Variants in PPP2R5C observed in about 807,000 individuals in gnomAD.
The protein encoded by PPP2R5C is serine/threonine-protein phosphatase 2A 56 kDa regulatory subunit gamma isoform.
A neutral mutation model predicts 68.9 loss-of-function variants in PPP2R5C; 7 were observed. The observed-to-expected ratio is 0.10, with a 90% CI of 0.06 to 0.19. The LOEUF (loss-of-function observed/expected upper bound fraction) is 0.19. Among genes scored for constraint, PPP2R5C ranks in the 10% least tolerant of loss-of-function variants. The pLI is 1.00. For synonymous variants in PPP2R5C, 210 were observed against 222.2 expected, an observed-to-expected ratio of 0.95 and a Z score of 0.49; for missense variants, 348 against 641.3, an observed-to-expected ratio of 0.54 and a Z score of 4.94.
In PPP2R5C at chr14:101,917,332, A is replaced by G. The variant is rs2046731864; in HGVS notation, c.1327-499A>G. Among the ~76,000 whole-genome samples, 1 of 152,168 alleles carries G rather than the reference A, an allele frequency of 6.6e-6. No homozygotes were observed. Among genetic ancestry groups the G allele is most frequent in the African/African-American group, 2.4e-5 (1 of 41,436 alleles). ...GATGTGATGAGAGGGTTTCATAAGC[A>G]AGCCGGGAAAATGGGATAAAGGGGA... On this transcript the variant is annotated intron_variant, in intron 12 of 13. Transcript: ENST00000334743. This position sits in a 1 kb window ranked among gnomAD's most constrained non-coding sequence, Gnocchi z 4.4.
intron 2 of PPP2R5C, among the ~76,000 whole-genome samples, chr14:101,776,574 C>T (rs1171689124): frequency 6.6e-6 from 1 of 152,098 alleles, no homozygotes; most frequent in Non-Finnish European, 1.5e-5. Flanking sequence ...TCGTGGGGCC[C>T]TTGCTGTTCT....
intron 5 of PPP2R5C, chr14:101,889,668 G>A: frequency 3.9e-6 from 1 of 259,346 alleles, no homozygotes; most frequent in Non-Finnish European, 7.5e-6. Flanking sequence ...GCAGATGGGT[G>A]CTTCAGAAAG....
intron 3 of PPP2R5C, among the ~76,000 whole-genome samples, chr14:101,801,449 C>T (rs1000522333): frequency 2.0e-5 from 3 of 152,212 alleles, no homozygotes; most frequent in Non-Finnish European, 2.9e-5. Flanking sequence ...TCTGATTACA[C>T]ACTGCCTCTT....
rs188538570 is a variant in PPP2R5C, at chr14:101,774,573, C to T, written c.94-11445C>T. On this transcript the variant is annotated intron_variant, in intron 2 of 14. Coordinates refer to the PPP2R5C transcript ENST00000328724. The stretch of plus-strand genomic sequence containing the variant: ...AGCACCTGCTTTCTCCCTCCAGCCC[C>T]ACGCTGCTTTGTGGTTGCCAGATGG... 4.5e-3 allele frequency among the ~76,000 whole-genome samples: 686 copies of T among 152,290 alleles called. 5 individuals carry two copies. The highest frequency in any genetic ancestry group is 0.016 in the African/African-American group (649 of 41,564).
At chr14:101,821,384 T>G (rs555449045) in intron 1 of PPP2R5C, among the ~76,000 whole-genome samples, 1 of 147,244 alleles carries the variant, frequency 6.8e-6, no homozygotes, top group African/African-American at 2.5e-5. Context: ...CATCTCAAAG[T>G]GACTGCTGCC....
chr14:101,904,465 T>G (rs1335669521), intron 9 of PPP2R5C, among the ~76,000 whole-genome samples: 1 of 152,222 alleles, frequency 6.6e-6, no homozygotes, highest in Non-Finnish European at 1.5e-5. Flanking sequence ...GGTTGCTTTT[T>G]AAAGTACAAG....
intron 13 of PPP2R5C, among the ~76,000 whole-genome samples, chr14:101,919,360 G>T (rs1213835405): frequency 6.6e-6 from 1 of 152,186 alleles, no homozygotes; most frequent in East Asian, 1.9e-4. Flanking sequence ...AATCCAGTTG[G>T]TTCCATATTC....
intron 9 of PPP2R5C, among the ~76,000 whole-genome samples, chr14:101,904,136 G>A (rs370711949): frequency 6.6e-6 from 1 of 152,104 alleles, no homozygotes; most frequent in East Asian, 1.9e-4. Context: ...GTGGGTGGAT[G>A]GATGGATGGA....
intron 3 of PPP2R5C, among the ~76,000 whole-genome samples, chr14:101,794,815 G>A (rs1251259212): frequency 6.6e-6 from 1 of 152,054 alleles, no homozygotes. Flanking sequence ...TGAATTTGGG[G>A]GCCTTGCTTT....
intron 2 of PPP2R5C, among the ~76,000 whole-genome samples, chr14:101,769,746 G>GT (rs1370415620): frequency 6.6e-6 from 1 of 152,066 alleles, no homozygotes; most frequent in Non-Finnish European, 1.5e-5. Flanking sequence ...TAAGATCTTG[G>GT]TTAAAAGGTC....
In PPP2R5C at chr14:101,791,754, TGTATG is replaced by T. The variant is rs374232440; in HGVS notation, c.259+5576_259+5580del. The stretch of plus-strand genomic sequence containing the variant: ...TTCTCTTGAACATACCATCAAAACT[TGTATG>T]GTATACAAGTTTAGTATAGTATACT... On this transcript the variant is annotated intron_variant, in intron 3 of 14. Transcript: ENST00000328724. Among the ~76,000 whole-genome samples the T allele has an allele frequency of 5.2e-4, 79 of 152,254 alleles. 1 individual carries two copies. The highest frequency in any genetic ancestry group is 1.7e-3 in the African/African-American group (71 of 41,562).
rs771483753 is a variant in PPP2R5C at position 101,917,952 on chromosome 14, A to T, written c.1443+5A>T. The T allele has an allele frequency of 8.7e-6, 14 of 1,613,840 alleles. No individual in the cohort carries two copies. In the South Asian group the frequency reaches 1.4e-4, roughly 16 times the overall value. ...GTGAAGGACGAGGCTCATCAGGTAA[A>T]AGTGCACCGAGCTCAGCTGGGCACC... On this transcript the variant is annotated splice_donor_5th_base_variant and intron_variant, in intron 13 of 13. Transcript: ENST00000334743. This position sits in a 1 kb window ranked among gnomAD's most constrained non-coding sequence, Gnocchi z 4.4.
rs1444214567 is a variant in PPP2R5C, at chr14:101,825,971, T to C, written c.94+15935T>C. Among the ~76,000 whole-genome samples, 1 of 152,146 alleles carries C rather than the reference T, an allele frequency of 6.6e-6. No homozygotes were observed. The highest frequency in any genetic ancestry group is 1.5e-5 in the Non-Finnish European group (1 of 68,022). ...GGAACTGACCAAGGATCGGTGAGAA[T>C]AGGAGGTGGCCCAGAGGGCATGGTC... is the stretch of plus-strand genomic sequence containing the variant. On this transcript the variant is annotated intron_variant, in intron 1 of 13. Transcript: ENST00000334743. This position sits in a 1 kb window ranked among gnomAD's most constrained non-coding sequence, Gnocchi z 4.0.
intron 6 of PPP2R5C, among the ~76,000 whole-genome samples, chr14:101,890,764 CTTTTTT>C (rs368348255): frequency 2.6e-5 from 3 of 115,376 alleles, no homozygotes; most frequent in African/African-American, 7.0e-5. Flanking sequence ...TTTAGTTGCC[CTTTTTT>C]TTTTTTTTTT....
rs535351964 is a variant in PPP2R5C at position 101,842,085 on chromosome 14, T to C, written c.95-14601T>C. Among the ~76,000 whole-genome samples, 32 of 152,240 alleles carry C rather than the reference T, an allele frequency of 2.1e-4. No individual in the cohort carries two copies. In the Middle Eastern group the frequency reaches 0.017, roughly 81 times the overall value. On this transcript the variant is annotated intron_variant, in intron 1 of 13. Transcript: ENST00000334743. ...GAAGTTCAGTGGCAGCGCAGACTTATGGGTAGAGAAGGGTCCCCTGTCTTT... is the reference window on the plus strand; with the variant it reads ...GAAGTTCAGTGGCAGCGCAGACTTACGGGTAGAGAAGGGTCCCCTGTCTTT...
In PPP2R5C at chr14:101,893,837, A is replaced by G. The variant is rs149839543; in HGVS notation, c.799-670A>G. 4.3e-4 allele frequency among the ~76,000 whole-genome samples: 66 copies of G among 152,372 alleles called. 1 individual carries two copies. In the South Asian group the frequency reaches 6.2e-3, roughly 14 times the overall value. Reference sequence around the variant, plus strand: ...TACAGCTGTACTGAAAAATTGGTCAATAAGTGGTTAATGGACTGCATTTAC... The same window carrying G: ...TACAGCTGTACTGAAAAATTGGTCAGTAAGTGGTTAATGGACTGCATTTAC... On this transcript the variant is annotated intron_variant, in intron 7 of 13. Transcript: ENST00000334743.
rs182679256 is a variant in PPP2R5C at position 101,863,141 on chromosome 14, C to T, written c.294+6256C>T. 1.9e-3 allele frequency among the ~76,000 whole-genome samples: 284 copies of T among 152,126 alleles called. 1 individual carries two copies. The highest frequency in any genetic ancestry group is 1.5e-3 in the Non-Finnish European group (101 of 67,998). ...TGGCCAACATGGTGAAACCCTGTCT[C>T]TACTAAAAATACAAAAATTAGCTGG... On this transcript the variant is annotated intron_variant, in intron 2 of 13. Transcript: ENST00000334743.
intron 1 of PPP2R5C, among the ~76,000 whole-genome samples, chr14:101,762,303 C>T (rs1328952741): frequency 6.6e-6 from 1 of 152,206 alleles, no homozygotes; most frequent in East Asian, 1.9e-4. Context: ...TCGCAGGCTC[C>T]CGGAAAGGAG....
chr14:101,841,609 G>A (rs1165526809), intron 1 of PPP2R5C, among the ~76,000 whole-genome samples: 1 of 152,256 alleles, frequency 6.6e-6, no homozygotes, highest in East Asian at 1.9e-4. Context: ...GTGGGGCGAG[G>A]AAAGGGGGTT....
Sources: gnomAD v4.1 joint callset for allele counts (sites outside exome capture counted in the v4.1 genomes callset) on GRCh38, gnomAD v4.1.1 for gene constraint, Gnocchi (gnomAD v3.1) non-coding constraint, MANE v1.5 for transcripts, NCBI Gene and HGNC (gene_info 2026-07-23, HGNC 2026-07-21) for gene names.